Variants in PCDH9 observed in about 807,000 individuals in gnomAD.
PCDH9 encodes the protein protocadherin-9.
Under a neutral mutation model 70.6 loss-of-function variants are expected in PCDH9, and 24 were observed. That is an observed-to-expected ratio of 0.34 (90% CI 0.25 to 0.48). PCDH9 has a LOEUF of 0.48. Among genes scored for constraint, PCDH9 ranks in the 20% least tolerant of loss-of-function variants. PCDH9 has a pLI of 0.99. For synonymous variants in PCDH9, 562 were observed against 558.5 expected (o/e 1.01, Z -0.09); for missense variants, 1,281 against 1,503.6 (o/e 0.85, Z 2.45).
At chr13:66,695,590 C>T (rs2078551113) in intron 3 of PCDH9, among the ~76,000 whole-genome samples, 1 of 152,154 alleles carries the variant, frequency 6.6e-6, no homozygotes, top group East Asian at 1.9e-4. Context: ...GTTTTGAAAT[C>T]AGTTTAGATA....
intron 4 of PCDH9, among the ~76,000 whole-genome samples, chr13:66,527,451 C>T (rs1960266218): frequency 6.6e-6 from 1 of 152,042 alleles, no homozygotes; most frequent in South Asian, 2.1e-4. Flanking sequence ...CTTTGCCCCT[C>T]CCTTTTAATT....
intron 3 of PCDH9, among the ~76,000 whole-genome samples, chr13:66,816,452 C>A (rs1208820497): frequency 6.6e-6 from 1 of 151,932 alleles, no homozygotes. Context: ...CTCTCCACCT[C>A]CCCCCACACA....
chr13:67,194,561 C>A (rs888907201), intron 2 of PCDH9, among the ~76,000 whole-genome samples: 17 of 152,088 alleles, frequency 1.1e-4, no homozygotes, highest in Non-Finnish European at 2.4e-4. Context: ...GGAATGGCAG[C>A]TTAAGTTTAA....
At chr13:67,052,173 G>A (rs991659091) in intron 2 of PCDH9, among the ~76,000 whole-genome samples, 2 of 152,108 alleles carry the variant, frequency 1.3e-5, no homozygotes, top group Non-Finnish European at 2.9e-5. Flanking sequence ...ATATCAATAA[G>A]CAACATGAAT....
intron 3 of PCDH9, among the ~76,000 whole-genome samples, chr13:66,843,757 CAA>C (rs2139434755): frequency 6.6e-6 from 1 of 152,290 alleles, no homozygotes; most frequent in Admixed American, 6.5e-5. Context: ...GGCCCCATAG[CAA>C]AGTCTTTCAA....
intron 2 of PCDH9, among the ~76,000 whole-genome samples, chr13:67,131,163 T>C (rs982419847): frequency 6.6e-6 from 1 of 152,182 alleles, no homozygotes. Flanking sequence ...GGCCAAATTA[T>C]ATATTTTCTA....
rs2089833552 is a variant in PCDH9, at chr13:67,225,484, G to C, written c.2957C>G (p.Thr986Ser). The change falls in exon 2 of 5, where the codon ACT becomes AGT. Residue 986 changes from threonine (T) to serine (S), a missense_variant. This residue lies in a region of PCDH9 where 207 missense variants were observed against 191.8 expected (regional missense o/e 1.08). Coordinates refer to ENST00000377865, the MANE Select transcript of PCDH9 (RefSeq NM_203487.3). ...GCDTLSKRSS[T>S]SSDHFSASEC... ...TGAGGCACTGAAGTGATCTGAACTA[G>C]TGGAAGAGCGTTTAGAAAGGGTGTC... 3.1e-6 allele frequency: 5 copies of C among 1,614,034 alleles called. No individual in the cohort carries two copies. The highest frequency in any genetic ancestry group is 4.2e-6 in the Non-Finnish European group (5 of 1,179,892).
intron 4 of PCDH9, among the ~76,000 whole-genome samples, chr13:66,361,095 T>A (rs1286448600): frequency 6.6e-6 from 1 of 152,106 alleles, no homozygotes; most frequent in Non-Finnish European, 1.5e-5. Flanking sequence ...GTGTTTCTAT[T>A]AAGTCAGTGG....
intron 3 of PCDH9, among the ~76,000 whole-genome samples, chr13:66,674,654 A>G (rs1371385826): frequency 1.3e-5 from 2 of 152,112 alleles, no homozygotes; most frequent in Non-Finnish European, 2.9e-5. Flanking sequence ...AATTACAACA[A>G]AGATAAATAT....
At chr13:66,712,447 T>C (rs892404246) in intron 3 of PCDH9, among the ~76,000 whole-genome samples, 9 of 152,288 alleles carry the variant, frequency 5.9e-5, no homozygotes, top group South Asian at 4.1e-4. Flanking sequence ...AAATAACTTA[T>C]ATGCAAATGG....
chr13:66,593,625 A>T (rs972053003), intron 4 of PCDH9, among the ~76,000 whole-genome samples: 2 of 151,734 alleles, frequency 1.3e-5, no homozygotes, highest in Non-Finnish European at 3.0e-5. Flanking sequence ...GAGCCAGAAA[A>T]TCTATTTCTC....
chr13:66,417,022 G>A (rs138112519), intron 4 of PCDH9, among the ~76,000 whole-genome samples: 2 of 152,230 alleles, frequency 1.3e-5, no homozygotes, highest in African/African-American at 4.8e-5. Flanking sequence ...GGGTGACGAT[G>A]ATAAATGAAT....
chr13:66,704,088 G>A (rs1157014433), intron 3 of PCDH9, among the ~76,000 whole-genome samples: 5 of 152,064 alleles, frequency 3.3e-5, no homozygotes, highest in Non-Finnish European at 7.4e-5. Flanking sequence ...ACATTATGAT[G>A]AAGAGTTAAA....
chr13:67,189,579 C>T (rs1376359627), intron 2 of PCDH9, among the ~76,000 whole-genome samples: 3 of 151,708 alleles, frequency 2.0e-5, no homozygotes, highest in Admixed American at 6.6e-5. Context: ...AGTAAAGAAA[C>T]CTGCCTGATA....
chr13:66,449,852 A>G (rs1420842367), intron 4 of PCDH9, among the ~76,000 whole-genome samples: 1 of 152,172 alleles, frequency 6.6e-6, no homozygotes, highest in African/African-American at 2.4e-5. Flanking sequence ...CTAGAGTTAG[A>G]AAAAGTTTTT....
intron 4 of PCDH9, among the ~76,000 whole-genome samples, chr13:66,522,208 G>A (rs61955968): frequency 1.3e-5 from 2 of 151,302 alleles, no homozygotes; most frequent in Non-Finnish European, 2.9e-5. Flanking sequence ...CAATATCAAG[G>A]GGTAAAATCA....
intron 4 of PCDH9, among the ~76,000 whole-genome samples, chr13:66,440,871 G>C (rs553148455): frequency 6.6e-6 from 1 of 152,036 alleles, no homozygotes; most frequent in South Asian, 2.1e-4. Context: ...ATCCAACACA[G>C]AGACTGTACC....
intron 3 of PCDH9, among the ~76,000 whole-genome samples, chr13:66,754,376 C>T (rs966261850): frequency 6.7e-6 from 1 of 149,474 alleles, no homozygotes; most frequent in Non-Finnish European, 1.5e-5. Context: ...TAAAGTATAA[C>T]AAAATAAAAT....
chr13:66,521,788 G>A (rs1380045989), intron 4 of PCDH9, among the ~76,000 whole-genome samples: 2 of 151,944 alleles, frequency 1.3e-5, no homozygotes, highest in Non-Finnish European at 2.9e-5. Flanking sequence ...AAACAAAAAC[G>A]ATATTTAGGG....
Sources: allele counts gnomAD v4.1 joint callset (sites outside exome capture counted in the v4.1 genomes callset), GRCh38; gene constraint gnomAD v4.1.1; regional missense constraint gnomAD v4.1.1; transcripts MANE v1.5; gene names NCBI Gene and HGNC (gene_info 2026-07-23, HGNC 2026-07-21).